Variants in ERBB2 observed in about 807,000 individuals in gnomAD.
ERBB2 encodes receptor tyrosine-protein kinase erbB-2.
ERBB2 carries 61 observed loss-of-function variants against 149.0 expected under a neutral mutation model. That is an observed-to-expected ratio of 0.41 (90% CI 0.33 to 0.51). The LOEUF (loss-of-function observed/expected upper bound fraction) is 0.51, where lower values mean the gene tolerates loss of function less well. Ranked by LOEUF, ERBB2 falls within the 20% of genes least tolerant of loss-of-function variation. The pLI is 0.25. For missense variants in ERBB2, 1,205 were observed against 1,655.1 expected, an observed-to-expected ratio of 0.73 and a Z score of 4.72; for synonymous variants, 633 against 678.8, an observed-to-expected ratio of 0.93 and a Z score of 1.05.
At chr17:39,701,972 G>A (rs2058136716) in intron 1 of ERBB2, among the ~76,000 whole-genome samples, 1 of 152,196 alleles carries the variant, frequency 6.6e-6, no homozygotes, top group African/African-American at 2.4e-5. Flanking sequence ...TGGGCTGGGA[G>A]TTGATCAGGG....
chr17:39,719,956 G>A, intron 16 of ERBB2, 122 bp downstream of exon 16: 1 of 892,252 alleles, frequency 1.1e-6, no homozygotes. Flanking sequence ...CTCTTCCACT[G>A]TGGAACCTCC....
chr17:39,712,527 G>A, intron 9 of ERBB2, 79 bp downstream of exon 9: 2 of 1,530,556 alleles, frequency 1.3e-6, no homozygotes, highest in South Asian at 1.2e-5. Flanking sequence ...GCATCTCTTG[G>A]GGATGGCAGG....
chr17:39,693,511 T>C (rs933580026), upstream of ERBB2, among the ~76,000 whole-genome samples: 1 of 152,184 alleles, frequency 6.6e-6, no homozygotes, highest in African/African-American at 2.4e-5. Flanking sequence ...TGACAAGGTC[T>C]CCCTCTGTCG....
intron 7 of ERBB2, 103 bp from the exon 8 acceptor site, chr17:39,711,825 G>T: frequency 1.4e-6 from 2 of 1,386,980 alleles, no homozygotes; most frequent in Non-Finnish European, 2.0e-6. Context: ...GGGCATTTAA[G>T]TATTGGTTGA....
rs747993530 is a variant in ERBB2 at position 39,712,328 on chromosome 17, A to G, written c.1028A>G (p.Tyr343Cys). 9 of 1,613,618 alleles carry G rather than the reference A, an allele frequency of 5.6e-6. No individual in the cohort carries two copies. The highest frequency in any genetic ancestry group is 1.7e-4 in the Middle Eastern group (1 of 6,060). ...CCCACCCCCACCTCCTCAGTGTGCT[A>G]TGGTCTGGGCATGGAGCACTTGCGA... The part of the protein sequence containing the change: ...KCSKPCARVC[Y>C]GLGMEHLREV... Residue 343 changes from tyrosine (Y) to cysteine (C), a missense_variant, in exon 9 of 27, where the codon TAT becomes TGT. By Grantham distance (194) the Tyr-to-Cys change is radical. Coordinates refer to ENST00000269571, the MANE Select transcript of ERBB2 (RefSeq NM_004448.4).
At chr17:39,720,902 C>T (rs1368081153) in intron 16 of ERBB2, among the ~76,000 whole-genome samples, 4 of 152,182 alleles carry the variant, frequency 2.6e-5, no homozygotes, top group South Asian at 4.1e-4. Flanking sequence ...CCCACCTTGG[C>T]CTCCCAAAGT....
rs1470001386 is a variant in ERBB2, at chr17:39,727,401, A to C, written c.3266A>C (p.Asp1089Ala). 1 of 1,610,596 alleles carries C rather than the reference A, an allele frequency of 6.2e-7. No homozygotes were observed. The highest frequency in any genetic ancestry group is 2.2e-5 in the East Asian group (1 of 44,816). Residue 1089 changes from aspartate to alanine, a missense_variant, in exon 26 of 27, where the codon GAC becomes GCC. Physicochemically the swap from Asp to Ala is moderately radical, Grantham distance 126 (BLOSUM62 -2). Transcript: ENST00000269571. The surrounding 1 kb of genome is among the most constrained non-coding windows in gnomAD (Gnocchi z 4.3). ...EGAGSDVFDG[D>A]LGMGAAKGLQ... ...GCTGGCTCCGATGTATTTGATGGTG[A>C]CCTGGGAATGGGGGCAGCCAAGGGG...
At chr17:39,719,899 C>G (rs2145752515) in intron 16 of ERBB2, 65 bp downstream of exon 16, 2 of 1,516,358 alleles carry the variant, frequency 1.3e-6, no homozygotes, top group Non-Finnish European at 1.8e-6. Flanking sequence ...GCTGGGTGGT[C>G]ACTGCTGTAG....
At chr17:39,704,803 A>C (rs35527921) in intron 1 of ERBB2, among the ~76,000 whole-genome samples, 3,969 of 152,212 alleles carry the variant, frequency 0.026, 189 homozygotes, top group African/African-American at 0.092. Context: ...TCAGGTAAAC[A>C]AACTCACTAG....
chr17:39,692,671 C>G (rs1298194001), upstream of ERBB2, among the ~76,000 whole-genome samples: 7 of 152,104 alleles, frequency 4.6e-5, no homozygotes, highest in African/African-American at 1.7e-4. Context: ...TCCCAAAGTG[C>G]TAGGATTACA....
At chr17:39,691,904 TATATACATATAC>T (rs1193736981), upstream of ERBB2, among the ~76,000 whole-genome samples, 6 of 114,536 alleles carry the variant, frequency 5.2e-5, no homozygotes, top group East Asian at 2.2e-4. Flanking sequence ...GATATAGATA[TATATACATATAC>T]ATATACATAT....
chr17:39,722,889 T>C (rs898350319), intron 16 of ERBB2, among the ~76,000 whole-genome samples: 1 of 151,988 alleles, frequency 6.6e-6, no homozygotes, highest in Non-Finnish European at 1.5e-5. Flanking sequence ...CTAATTTTTG[T>C]GTGTGTGTAT....
At chr17:39,699,231 G>A (rs907525172), upstream of ERBB2, among the ~76,000 whole-genome samples, 1 of 151,940 alleles carries the variant, frequency 6.6e-6, no homozygotes, top group Admixed American at 6.6e-5. Context: ...AGGCTGAGGC[G>A]GGAGGATCAC....
chr17:39,694,247 A>ATCTGTG (rs1555612004), upstream of ERBB2, among the ~76,000 whole-genome samples: 1 of 43,846 alleles, frequency 2.3e-5, no homozygotes, highest in Non-Finnish European at 4.8e-5. Flanking sequence ...ATATATATAT[A>ATCTGTG]TATATATATA....
intron 14 of ERBB2, 87 bp from the exon 15 acceptor site, chr17:39,717,233 C>T (rs2145701138): frequency 5.1e-6 from 6 of 1,180,240 alleles, no homozygotes; most frequent in Non-Finnish European, 7.0e-6. Flanking sequence ...CCTTGGGAAG[C>T]ACAAAGGGGA....
At chr17:39,691,574 T>TACACACACAC (rs1173386743), upstream of ERBB2, among the ~76,000 whole-genome samples, 22 of 121,984 alleles carry the variant, frequency 1.8e-4, no homozygotes, top group African/African-American at 6.4e-4. Flanking sequence ...TATATATATA[T>TACACACACAC]ACACACACAC....
Position 39,727,556 on chromosome 17 carries a change from T to G in ERBB2, c.3412+9T>G. The G allele has an allele frequency of 1.3e-6, 2 of 1,596,252 alleles. No homozygotes were observed. The highest frequency in any genetic ancestry group is 1.7e-6 in the Non-Finnish European group (2 of 1,175,384). ...CTGCAGCCCCCAGCCTGGTATGGAG[T>G]CCAGTCTAAGCAGAGAGACTGATGG... On this transcript the variant is annotated intron_variant, in intron 26 of 26. Transcript: ENST00000269571. This position sits in a 1 kb window ranked among gnomAD's most constrained non-coding sequence, Gnocchi z 4.3.
At chr17:39,711,781 G>A (rs2058812022) in intron 7 of ERBB2, 147 bp from the exon 8 acceptor site, 5 of 903,578 alleles carry the variant, frequency 5.5e-6, no homozygotes, top group Admixed American at 2.0e-5. Context: ...GTTGTTGTGA[G>A]GGGTAAATGG....
Position 39,723,747 on chromosome 17 carries a change from A to C in ERBB2, c.2208+87A>C. The C allele has an allele frequency of 6.5e-7, 1 of 1,544,148 alleles. No individual in the cohort carries two copies. Among genetic ancestry groups the C allele is most frequent in the South Asian group, 1.2e-5 (1 of 84,636 alleles). On this transcript the variant is annotated intron_variant, in intron 18 of 26. Transcript: ENST00000269571. The surrounding 1 kb of genome is among the most constrained non-coding windows in gnomAD (Gnocchi z 6.2). ...GGTCGGCAGTTCTGATGGGAGGGGC[A>C]AGAGCTGGAGGCAGTGTTTGGGGGA...
Sources: gnomAD v4.1 joint callset for allele counts (sites outside exome capture counted in the v4.1 genomes callset) on GRCh38, gnomAD v4.1.1 for gene constraint, Gnocchi (gnomAD v3.1) non-coding constraint, MANE v1.5 for transcripts, NCBI Gene and HGNC (gene_info 2026-07-23, HGNC 2026-07-21) for gene names.